Variants in LYST observed in about 807,000 individuals in gnomAD.
LYST encodes lysosomal trafficking regulator, also known as lysosomal-trafficking regulator.
In LYST, 192 loss-of-function variants were observed where a neutral mutation model predicts 413.6. That is an observed-to-expected ratio of 0.46 (90% CI 0.41 to 0.52). The LOEUF (loss-of-function observed/expected upper bound fraction) is 0.52. Ranked by LOEUF, LYST falls within the 20% of genes least tolerant of loss-of-function variation. The pLI is 0.00. For synonymous variants in LYST, 1,525 were observed against 1,567.3 expected (o/e 0.97, Z 0.64); for missense variants, 3,815 against 4,499.9 (o/e 0.85, Z 4.35).
rs1660237972 is a variant in LYST, at chr1:235,686,562, T to C, written c.10800+387A>G. On this transcript the variant is annotated intron_variant, in intron 48 of 52. Coordinates refer to ENST00000389793, the MANE Select transcript of LYST (RefSeq NM_000081.4). The surrounding 1 kb of genome is among the most constrained non-coding windows in gnomAD (Gnocchi z 4.0). Reference sequence around the variant, plus strand: ...TCCAGACAGACTACTTAGATTTTGCTGTCACTTAGTTTACCCAGAGGTTAT... The same window carrying C: ...TCCAGACAGACTACTTAGATTTTGCCGTCACTTAGTTTACCCAGAGGTTAT... Among the ~76,000 whole-genome samples, 1 of 152,234 alleles carries C rather than the reference T, an allele frequency of 6.6e-6. No individual in the cohort carries two copies. The highest frequency in any genetic ancestry group is 1.5e-5 in the Non-Finnish European group (1 of 68,036).
intron 1 of LYST, among the ~76,000 whole-genome samples, chr1:235,846,801 C>T (rs926070165): frequency 3.9e-5 from 6 of 151,996 alleles, no homozygotes; most frequent in East Asian, 1.9e-4. Flanking sequence ...ACAAGGTCTT[C>T]GAATTAACCC....
intron 22 of LYST, among the ~76,000 whole-genome samples, chr1:235,760,756 G>C (rs1475946407): frequency 6.6e-6 from 1 of 152,160 alleles, no homozygotes; most frequent in Non-Finnish European, 1.5e-5. Context: ...AACTGCTTTA[G>C]AGCATAGACT....
At chr1:235,779,103 G>A (rs1669605419) in intron 16 of LYST, among the ~76,000 whole-genome samples, 1 of 151,640 alleles carries the variant, frequency 6.6e-6, no homozygotes, top group Non-Finnish European at 1.5e-5. Context: ...CTGACCTCAG[G>A]TGATCCACCC....
intron 50 of LYST, among the ~76,000 whole-genome samples, chr1:235,666,260 ACACACACAC>A (rs1658452739): frequency 2.1e-5 from 3 of 146,158 alleles, no homozygotes; most frequent in South Asian, 2.2e-4. Context: ...ACACACACAC[ACACACACAC>A]AATTTTCTTT....
At chr1:235,774,094 G>A in intron 18 of LYST, 103 bp from the exon 19 acceptor site, 7 of 795,600 alleles carry the variant, frequency 8.8e-6, no homozygotes, top group Non-Finnish European at 1.5e-5. Flanking sequence ...TAAATTCAAA[G>A]GAAAGCTAGT....
chr1:235,734,461 T>G (rs1238415460), intron 32 of LYST, 22 bp downstream of exon 32: 1 of 1,597,668 alleles, frequency 6.3e-7, no homozygotes, highest in East Asian at 2.2e-5. Context: ...CCTAAGAAAG[T>G]ACTATGGTTT....
At chr1:235,730,437 T>C (rs1041929789) in intron 36 of LYST, among the ~76,000 whole-genome samples, 15 of 152,010 alleles carry the variant, frequency 9.9e-5, no homozygotes, top group African/African-American at 3.1e-4. Context: ...TGCTTGATGA[T>C]ACCACCAGCA....
chr1:235,719,776 T>C (rs926951269), intron 40 of LYST, among the ~76,000 whole-genome samples: 3 of 152,132 alleles, frequency 2.0e-5, no homozygotes, highest in South Asian at 4.1e-4. Flanking sequence ...AACGACGTCA[T>C]GGGAAGCAAT....
chr1:235,812,375 T>G (rs1391853084), intron 4 of LYST, among the ~76,000 whole-genome samples: 2 of 151,610 alleles, frequency 1.3e-5, no homozygotes, highest in African/African-American at 4.9e-5. Flanking sequence ...GGCATGGTGG[T>G]GCACGACTGT....
chr1:235,722,813 T>C (rs919692862), intron 39 of LYST, among the ~76,000 whole-genome samples: 2 of 152,182 alleles, frequency 1.3e-5, no homozygotes, highest in Admixed American at 1.3e-4. Flanking sequence ...TTCGTTTCAG[T>C]CATTTTGGGG....
Position 235,779,097 on chromosome 1 carries a change from C to T in LYST, c.5214+1768G>A, listed in dbSNP as rs373874587. ...GGCCAGGCTGGTCTCAAACTCCTGACCTCAGGTGATCCACCCGCCTCGGCC... is the reference window on the plus strand; with the variant it reads ...GGCCAGGCTGGTCTCAAACTCCTGATCTCAGGTGATCCACCCGCCTCGGCC... On this transcript the variant is annotated intron_variant, in intron 16 of 52. Coordinates refer to ENST00000389793, the MANE Select transcript of LYST (RefSeq NM_000081.4). Among the ~76,000 whole-genome samples, 318 of 151,618 alleles carry T rather than the reference C, an allele frequency of 2.1e-3. 5 individuals are homozygous for T. The highest frequency in any genetic ancestry group is 0.018 in the South Asian group (88 of 4,790).
intron 8 of LYST, among the ~76,000 whole-genome samples, chr1:235,802,219 A>AG (rs1558267141): frequency 3.4e-5 from 5 of 149,132 alleles, no homozygotes; most frequent in African/African-American, 1.3e-4. Flanking sequence ...AAAAAAAAAA[A>AG]ACTAGCAGTA....
intron 14 of LYST, among the ~76,000 whole-genome samples, chr1:235,783,778 T>C (rs1467737681): frequency 6.6e-6 from 1 of 152,230 alleles, no homozygotes; most frequent in African/African-American, 2.4e-5. Flanking sequence ...CTGCCATATT[T>C]GTAAGCTGTT....
At chr1:235,816,457 TAAA>T (rs1231395765) in intron 3 of LYST, among the ~76,000 whole-genome samples, 1 of 103,438 alleles carries the variant, frequency 9.7e-6, no homozygotes, top group African/African-American at 5.1e-5. Flanking sequence ...AATAAATAAA[TAAA>T]AAATAAAAAT....
In LYST at chr1:235,689,293, T is replaced by C. The variant is rs1305420321; in HGVS notation, c.10702-2246A>G. Among the ~76,000 whole-genome samples, 12 of 152,310 alleles carry C rather than the reference T, an allele frequency of 7.9e-5. No homozygotes were observed. In the East Asian group the frequency reaches 2.3e-3, roughly 29 times the overall value. On this transcript the variant is annotated intron_variant, in intron 47 of 52. Coordinates refer to ENST00000389793, the MANE Select transcript of LYST (RefSeq NM_000081.4). ...TTTGCAATGTTTAAATTCTTTTATATACATGAAATATTATTCAGCCTTTAA... is the reference window on the plus strand; with the variant it reads ...TTTGCAATGTTTAAATTCTTTTATACACATGAAATATTATTCAGCCTTTAA...
In LYST at chr1:235,815,177, C is replaced by T. The variant is rs565495530; in HGVS notation, c.193-2116G>A. Among the ~76,000 whole-genome samples, 58 of 152,248 alleles carry T rather than the reference C, an allele frequency of 3.8e-4. 1 individual carries two copies. Among genetic ancestry groups the T allele is most frequent in the Middle Eastern group, 6.8e-3 (2 of 294 alleles). ...TGAATGCCCATTTTCCTCTTTTATC[C>T]GTTAAACAAATATTTCTTGATCCCC... On this transcript the variant is annotated intron_variant, in intron 3 of 52. Transcript: ENST00000389793.
At chr1:235,682,794 AT>A (rs1553264633) in intron 48 of LYST, among the ~76,000 whole-genome samples, 2 of 152,254 alleles carry the variant, frequency 1.3e-5, no homozygotes, top group Admixed American at 6.5e-5. Flanking sequence ...GTTCTATTTT[AT>A]TTTTTTCCAC....
intron 4 of LYST, among the ~76,000 whole-genome samples, chr1:235,812,579 C>T (rs1428243593): frequency 6.6e-6 from 1 of 151,488 alleles, no homozygotes; most frequent in Non-Finnish European, 1.5e-5. Context: ...CTGCAAAAGT[C>T]ACTTATAGAA....
chr1:235,857,784 C>CACATATAT lies in LYST; in HGVS notation c.-98+9058_-98+9059insATATATGT, dbSNP rs145820873. ...ACACACACACACACACACACACACACATATATATATAAAATTTCACAAGCC... is the reference window on the plus strand; with the variant it reads ...ACACACACACACACACACACACACACACATATATATATATATATAAAATTTCACAAGCC... On this transcript the variant is annotated intron_variant, in intron 1 of 52. Coordinates refer to ENST00000389793, the MANE Select transcript of LYST (RefSeq NM_000081.4). 7.0e-3 allele frequency among the ~76,000 whole-genome samples: 849 copies of CACATATAT among 122,074 alleles called. 11 individuals carry two copies. The highest frequency in any genetic ancestry group is 0.026 in the African/African-American group (802 of 31,220). 80.1% of individuals were successfully genotyped at this position (122,074 alleles called of 152,430 possible).
Sources: allele counts gnomAD v4.1 joint callset (sites outside exome capture counted in the v4.1 genomes callset), GRCh38; gene constraint gnomAD v4.1.1; non-coding constraint Gnocchi (gnomAD v3.1); transcripts MANE v1.5; gene names NCBI Gene and HGNC (gene_info 2026-07-23, HGNC 2026-07-21).